Variants in SLC5A10 observed in about 807,000 individuals in gnomAD.
SLC5A10 encodes the protein sodium/mannose cotransporter SLC5A10.
Under a neutral mutation model 68.9 loss-of-function variants are expected in SLC5A10, and 55 were observed. That is an observed-to-expected ratio of 0.80 (90% CI 0.64 to 1.00). SLC5A10 has a LOEUF of 1.00. Among genes scored for constraint, SLC5A10 ranks in the 50% least tolerant of loss-of-function variants. SLC5A10 has a pLI of 0.00. For missense variants in SLC5A10, 732 were observed against 819.3 expected (o/e 0.89, Z 1.30); for synonymous variants, 344 against 344.8 (o/e 1.00, Z 0.02).
chr17:19,013,177 G>A (rs2044053005), intron 9 of SLC5A10, among the ~76,000 whole-genome samples: 1 of 152,232 alleles, frequency 6.6e-6, no homozygotes, highest in Non-Finnish European at 1.5e-5. Flanking sequence ...CCCTGGCCAA[G>A]AAGTAGGATC....
At chr17:18,954,922 G>A (rs914266224) in intron 1 of SLC5A10, among the ~76,000 whole-genome samples, 6 of 151,936 alleles carry the variant, frequency 3.9e-5, no homozygotes, top group African/African-American at 1.4e-4. Flanking sequence ...GTATTATTTT[G>A]TGATAATACA....
intron 8 of SLC5A10, among the ~76,000 whole-genome samples, chr17:18,973,987 G>A (rs951593477): frequency 1.3e-5 from 2 of 151,238 alleles, no homozygotes; most frequent in African/African-American, 4.9e-5. Context: ...CCGCCTCCTG[G>A]GTTTGAGCAA....
chr17:19,000,394 G>C lies in SLC5A10; in HGVS notation c.983-13016G>C, dbSNP rs1418138943. 2.0e-5 allele frequency among the ~76,000 whole-genome samples: 3 copies of C among 152,204 alleles called. No homozygotes were observed. The highest frequency in any genetic ancestry group is 6.5e-5 in the Admixed American group (1 of 15,278). ...AGATGGGATGACCGGGGCTTGGAGA[G>C]GAGCTGGGGCTTGTTCCAGGTCCCA... On this transcript the variant is annotated intron_variant, in intron 9 of 14. Transcript: ENST00000395645. This position sits in a 1 kb window ranked among gnomAD's most constrained non-coding sequence, Gnocchi z 5.2.
chr17:18,966,975 G>A (rs1008783143), intron 5 of SLC5A10, among the ~76,000 whole-genome samples: 3 of 152,178 alleles, frequency 2.0e-5, no homozygotes, highest in African/African-American at 4.8e-5. Context: ...AGGTTCAGGG[G>A]ATGAAGTGGC....
rs1337481087 is a variant in SLC5A10 at position 19,015,187 on chromosome 17, T to G, written c.1229T>G (p.Leu410Arg). The G allele has an allele frequency of 1.1e-5, 5 of 463,592 alleles. No individual in the cohort carries two copies. Among genetic ancestry groups the G allele is most frequent in the Non-Finnish European group, 1.8e-5 (5 of 276,184 alleles). 28.7% of individuals were successfully genotyped at this position (463,592 alleles called of 1,614,324 possible). Residue 410 changes from leucine (L) to arginine (R), a missense_variant, in exon 11 of 15, where the codon CTG becomes CGG. Transcript: ENST00000395645. ...LRPRSGERELLLVGRLVIVAL... is the reference protein window; with the variant it reads ...LRPRSGERELRLVGRLVIVAL... ...CCCCGCTCCGGCGAGCGGGAGCTCC[T>G]GCTGGTGGGACGGTACGGGGGTGGG... is the stretch of plus-strand genomic sequence containing the variant.
At chr17:18,978,828 T>C in intron 9 of SLC5A10, 1 of 1,612,222 alleles carries the variant, frequency 6.2e-7, no homozygotes, top group African/African-American at 1.3e-5. Flanking sequence ...TTCCGGTCCG[T>C]CCGCGCGGCC....
intron 9 of SLC5A10, among the ~76,000 whole-genome samples, chr17:18,993,347 T>C (rs2043479026): frequency 6.6e-6 from 1 of 152,234 alleles, no homozygotes. Flanking sequence ...CACTCTGGCC[T>C]GTCTGGGTTG....
At chr17:18,958,447 G>C (rs2042545887) in intron 1 of SLC5A10, among the ~76,000 whole-genome samples, 1 of 152,234 alleles carries the variant, frequency 6.6e-6, no homozygotes, top group African/African-American at 2.4e-5. Context: ...CGACAGAAAT[G>C]TGGGTTGTTT....
In SLC5A10 at chr17:19,022,166, A is replaced by G; in HGVS notation, c.*1735A>G. On this transcript the variant is annotated 3_prime_UTR_variant, in exon 15 of 15. Transcript: ENST00000395645. ...GTGACTGCAAGAAGAGGAGGTGGTTAGTAGGGTGCCTTCAGAAGCCCTGCA... is the reference window on the plus strand; with the variant it reads ...GTGACTGCAAGAAGAGGAGGTGGTTGGTAGGGTGCCTTCAGAAGCCCTGCA... 2 of 1,373,404 alleles carry G rather than the reference A, an allele frequency of 1.5e-6. No individual in the cohort carries two copies. The highest frequency in any genetic ancestry group is 9.6e-7 in the Non-Finnish European group (1 of 1,038,152). 85.1% of individuals were successfully genotyped at this position (1,373,404 alleles called of 1,614,324 possible).
At chr17:18,980,610 A>G (rs1318750930) in intron 9 of SLC5A10, among the ~76,000 whole-genome samples, 1 of 152,172 alleles carries the variant, frequency 6.6e-6, no homozygotes, top group Admixed American at 6.5e-5. Flanking sequence ...CCCAGGTAGC[A>G]GGACCTGCTG....
At chr17:19,013,319 C>G in intron 9 of SLC5A10, 91 bp from the exon 10 acceptor site, 1 of 1,572,680 alleles carries the variant, frequency 6.4e-7, no homozygotes, top group Non-Finnish European at 8.6e-7. Flanking sequence ...TGGAGCAGGT[C>G]TGGGCCAGGC....
At chr17:19,012,808 CAG>C (rs1369387310) in intron 9 of SLC5A10, among the ~76,000 whole-genome samples, 2 of 152,208 alleles carry the variant, frequency 1.3e-5, no homozygotes, top group East Asian at 1.9e-4. Context: ...GGGTTGGAGA[CAG>C]GGGTGTGGAT....
intron 9 of SLC5A10, among the ~76,000 whole-genome samples, chr17:19,006,894 A>G (rs2152146496): frequency 6.6e-6 from 1 of 152,310 alleles, no homozygotes; most frequent in Admixed American, 6.5e-5. Context: ...CTAGTATTCC[A>G]TGGTATGGAT....
At chr17:18,969,778 G>T (rs1275289007) in intron 7 of SLC5A10, 3 of 255,968 alleles carry the variant, frequency 1.2e-5, no homozygotes, top group Non-Finnish European at 2.2e-5. Context: ...CCATAAAACT[G>T]CCTGGGCAGC....
At chr17:19,008,490 C>A (rs1213309982) in intron 9 of SLC5A10, among the ~76,000 whole-genome samples, 1 of 149,912 alleles carries the variant, frequency 6.7e-6, no homozygotes, top group Non-Finnish European at 1.5e-5. Flanking sequence ...GAGGAGGAGA[C>A]AGCCTCACAG....
intron 9 of SLC5A10, among the ~76,000 whole-genome samples, chr17:18,982,768 G>A (rs2043171746): frequency 1.3e-5 from 2 of 152,248 alleles, no homozygotes; most frequent in Admixed American, 6.5e-5. Flanking sequence ...AGAGGGGGCT[G>A]AGCCCAGGAG....
rs1176331518 is a variant in SLC5A10, at chr17:19,019,883, T to C, written c.1581T>C (p.Val527=). ...AVALFALSGA[V]VVAGSLLTPP... is the part of the protein sequence containing the mutation. ...CCCTCTTTGCACTCAGTGGTGCTGTTGTGGTGGCTGGAAGCCTGCTGACCC... is the reference window on the plus strand; with the variant it reads ...CCCTCTTTGCACTCAGTGGTGCTGTCGTGGTGGCTGGAAGCCTGCTGACCC... The change falls in exon 13 of 15, where the codon GTT becomes GTC. Residue 527 remains valine (V), a synonymous_variant. Coordinates refer to ENST00000395645, the MANE Select transcript of SLC5A10 (RefSeq NM_001042450.4). 6.2e-7 allele frequency: 1 copy of C among 1,612,270 alleles called. No individual in the cohort carries two copies. Among genetic ancestry groups the C allele is most frequent in the Non-Finnish European group, 8.5e-7 (1 of 1,179,588 alleles).
chr17:18,960,812 C>A (rs558388112), intron 5 of SLC5A10, among the ~76,000 whole-genome samples, 160 bp downstream of exon 5: 8 of 152,288 alleles, frequency 5.3e-5, no homozygotes, highest in Admixed American at 3.9e-4. Context: ...GGTCACGCAG[C>A]GAGTCTGGAC....
At chr17:18,980,064 T>A (rs2043090646) in intron 9 of SLC5A10, among the ~76,000 whole-genome samples, 1 of 152,068 alleles carries the variant, frequency 6.6e-6, no homozygotes, top group South Asian at 2.1e-4. Context: ...GCACACGTTT[T>A]AGAAGTGTCT....
Sources: allele counts gnomAD v4.1 joint callset (sites outside exome capture counted in the v4.1 genomes callset), GRCh38; gene constraint gnomAD v4.1.1; non-coding constraint Gnocchi (gnomAD v3.1); transcripts MANE v1.5; gene names NCBI Gene and HGNC (gene_info 2026-07-23, HGNC 2026-07-21).